The following VAC14 variants were observed in gnomAD, a reference collection of about 807,000 sequenced individuals.
VAC14 encodes the protein protein VAC14 homolog.
In VAC14, 47 loss-of-function variants were observed where a neutral mutation model predicts 85.3. The observed-to-expected ratio is 0.55, with a 90% CI of 0.44 to 0.70. The LOEUF (loss-of-function observed/expected upper bound fraction) is 0.70. Ranked by LOEUF, VAC14 falls within the 30% of genes least tolerant of loss-of-function variation. The pLI, the probability that VAC14 is intolerant of heterozygous loss-of-function variation, is 0.00. For synonymous variants in VAC14, 447 were observed against 430.5 expected, an observed-to-expected ratio of 1.04 and a Z score of -0.47; for missense variants, 861 against 1,004.3, an observed-to-expected ratio of 0.86 and a Z score of 1.93.
chr16:70,750,549 G>A (rs2031298908), intron 12 of VAC14, among the ~76,000 whole-genome samples: 1 of 152,130 alleles, frequency 6.6e-6, no homozygotes, highest in Admixed American at 6.5e-5. Flanking sequence ...CTGGGTGTGG[G>A]CAGCATCTCA....
At chr16:70,698,881 C>A (rs546032217) in intron 14 of VAC14, 70 bp from the exon 15 acceptor site, 2 of 1,562,608 alleles carry the variant, frequency 1.3e-6, no homozygotes, top group Admixed American at 1.7e-5. Context: ...GCCTGGGAGG[C>A]CTCCTCTTGG....
At chr16:70,749,574 A>G (rs1304528022) in intron 12 of VAC14, among the ~76,000 whole-genome samples, 7 of 152,222 alleles carry the variant, frequency 4.6e-5, no homozygotes, top group Admixed American at 4.6e-4. Context: ...GCACAGACAC[A>G]CACACACAGC....
rs138720589 is a variant in VAC14, at chr16:70,715,714, T to C, written c.1661+15781A>G. The C allele has an allele frequency of 2.5e-3, 387 of 152,332 alleles. 3 individuals carry two copies. The highest frequency in any genetic ancestry group is 9.0e-3 in the African/African-American group (376 of 41,554). 9.4% of individuals were successfully genotyped at this position (152,332 alleles called of 1,614,324 possible). Reference sequence around the variant, plus strand: ...TTTTTCATTACTGATGCATGGGAGATGGCCAGGGATTGGGAATGGGGGAGG... The same window carrying C: ...TTTTTCATTACTGATGCATGGGAGACGGCCAGGGATTGGGAATGGGGGAGG... On this transcript the variant is annotated intron_variant, in intron 14 of 18. Transcript: ENST00000261776.
intron 18 of VAC14, chr16:70,691,685 A>AC (rs2053599120): frequency 1.0e-6 from 1 of 985,308 alleles, no homozygotes; most frequent in South Asian, 4.7e-5. Context: ...CAGGGAAGGC[A>AC]CGAGCCGGTC....
chr16:70,734,036 A>C (rs1397865090), intron 13 of VAC14, among the ~76,000 whole-genome samples: 1 of 151,966 alleles, frequency 6.6e-6, no homozygotes, highest in Non-Finnish European at 1.5e-5. Flanking sequence ...GTTAGCCAGG[A>C]TGGTCTCAAT....
At chr16:70,790,931 G>A (rs1333967207) in intron 1 of VAC14, among the ~76,000 whole-genome samples, 1 of 152,226 alleles carries the variant, frequency 6.6e-6, no homozygotes, top group Non-Finnish European at 1.5e-5. Flanking sequence ...CATGGAACAC[G>A]TCCTTACCAA....
intron 1 of VAC14, among the ~76,000 whole-genome samples, chr16:70,798,476 A>C (rs754486758): frequency 1.1e-4 from 17 of 152,244 alleles, no homozygotes; most frequent in Non-Finnish European, 2.4e-4. Flanking sequence ...GAAAGTGCTC[A>C]GACAAGCAAA....
chr16:70,724,803 C>A (rs1039456432), intron 14 of VAC14, among the ~76,000 whole-genome samples: 5 of 152,230 alleles, frequency 3.3e-5, no homozygotes, highest in African/African-American at 1.2e-4. Context: ...GAGAGGGAAG[C>A]AGGAAGCTCT....
At chr16:70,755,439 C>CT (rs1157789523) in intron 12 of VAC14, among the ~76,000 whole-genome samples, 1 of 152,250 alleles carries the variant, frequency 6.6e-6, no homozygotes, top group Non-Finnish European at 1.5e-5. Context: ...CGGGTCCCTG[C>CT]TCTGCAGTGA....
At chr16:70,799,049 AGAGT>A (rs2034659082) in intron 1 of VAC14, among the ~76,000 whole-genome samples, 1 of 152,254 alleles carries the variant, frequency 6.6e-6, no homozygotes, top group African/African-American at 2.4e-5. Context: ...AACTGTGTGC[AGAGT>A]GAGAACAGAT....
At chr16:70,745,526 T>TGC (rs1567560990) in intron 12 of VAC14, among the ~76,000 whole-genome samples, 1 of 149,428 alleles carries the variant, frequency 6.7e-6, no homozygotes, top group Non-Finnish European at 1.5e-5. Context: ...TGTGCGCGTG[T>TGC]GCGCGCGTGT....
intron 9 of VAC14, among the ~76,000 whole-genome samples, chr16:70,775,365 G>C (rs1411807924): frequency 6.6e-6 from 1 of 152,198 alleles, no homozygotes; most frequent in Non-Finnish European, 1.5e-5. Context: ...GTGCTGGCTT[G>C]TGCTGTCCTA....
intron 14 of VAC14, among the ~76,000 whole-genome samples, chr16:70,712,866 A>T (rs887415654): frequency 5.3e-5 from 8 of 152,126 alleles, no homozygotes; most frequent in Non-Finnish European, 1.0e-4. Flanking sequence ...CTTCTTGGAG[A>T]GGCTTGGCGA....
chr16:70,789,705 A>C (rs1015101838), intron 1 of VAC14, among the ~76,000 whole-genome samples: 1 of 152,214 alleles, frequency 6.6e-6, no homozygotes, highest in Non-Finnish European at 1.5e-5. Context: ...CCTTTGATGA[A>C]AACACTTATT....
Position 70,781,926 on chromosome 16 carries a change from A to C in VAC14, c.889T>G (p.Ser297Ala). The C allele has an allele frequency of 6.2e-7, 1 of 1,614,114 alleles. No homozygotes were observed. The highest frequency in any genetic ancestry group is 8.5e-7 in the Non-Finnish European group (1 of 1,180,030). Reference protein sequence around the residue: ...QLAGRVMLPYSSGILTAVLPC... With the variant: ...QLAGRVMLPYASGILTAVLPC... ...AAGACAGCAGTCAGGATCCCGGAGG[A>C]GTAAGGCAGCATGACGCGGCCCGCC... Residue 297 changes from serine (S) to alanine (A), a missense_variant, in exon 8 of 19, where the codon TCC becomes GCC. Ser to Ala is a moderately conservative substitution (Grantham distance 99, BLOSUM62 1). This residue lies in a region of VAC14 where 629 missense variants were observed against 703.1 expected (regional missense o/e 0.89). Coordinates refer to ENST00000261776, the MANE Select transcript of VAC14 (RefSeq NM_018052.5).
intron 14 of VAC14, among the ~76,000 whole-genome samples, chr16:70,704,715 A>C (rs1316740365): frequency 1.3e-5 from 2 of 152,174 alleles, no homozygotes; most frequent in Non-Finnish European, 2.9e-5. Flanking sequence ...GGCACGTTAG[A>C]GGCTAGGGAC....
intron 14 of VAC14, among the ~76,000 whole-genome samples, chr16:70,705,583 C>A (rs926877837): frequency 2.0e-5 from 3 of 152,340 alleles, no homozygotes; most frequent in African/African-American, 7.2e-5. Flanking sequence ...GCTGGCCTGG[C>A]GGGGACAGAC....
At chr16:70,721,733 C>T (rs1000550912) in intron 14 of VAC14, among the ~76,000 whole-genome samples, 2 of 152,164 alleles carry the variant, frequency 1.3e-5, no homozygotes, top group Non-Finnish European at 2.9e-5. Flanking sequence ...GAACACGAAC[C>T]CTCCAGGCCC....
intron 1 of VAC14, among the ~76,000 whole-genome samples, chr16:70,793,913 T>C (rs2034437730): frequency 6.6e-6 from 1 of 152,212 alleles, no homozygotes; most frequent in African/African-American, 2.4e-5. Flanking sequence ...CCAACCAACC[T>C]AGGTTGGACC....
Sources: gnomAD v4.1 joint callset for allele counts (sites outside exome capture counted in the v4.1 genomes callset) on GRCh38, gnomAD v4.1.1 for gene constraint, gnomAD v4.1.1 regional missense constraint, MANE v1.5 for transcripts, NCBI Gene and HGNC (gene_info 2026-07-23, HGNC 2026-07-21) for gene names.